Variants in RBFOX3 observed in about 807,000 individuals in gnomAD.
RBFOX3 encodes the protein RNA binding fox-1 homolog 3, also known as RNA binding protein fox-1 homolog 3.
A neutral mutation model predicts 48.7 loss-of-function variants in RBFOX3; 17 were observed. The observed-to-expected ratio is 0.35, with a 90% CI of 0.24 to 0.52. The LOEUF is 0.52. Ranked by LOEUF, RBFOX3 falls within the 20% of genes least tolerant of loss-of-function variation. The pLI is 0.94. For synonymous variants in RBFOX3, 212 were observed against 209.5 expected (o/e 1.01, Z -0.10); for missense variants, 382 against 497.5 (o/e 0.77, Z 2.21).
chr17:79,587,798 G>A (rs901671663), intron 1 of RBFOX3, among the ~76,000 whole-genome samples: 10 of 152,188 alleles, frequency 6.6e-5, no homozygotes, highest in Non-Finnish European at 1.2e-4. Flanking sequence ...AGGAGCCCAC[G>A]GGGAAGCAGA....
intron 4 of RBFOX3, among the ~76,000 whole-genome samples, chr17:79,193,652 T>A (rs2054968354): frequency 6.6e-6 from 1 of 152,240 alleles, no homozygotes; most frequent in Non-Finnish European, 1.5e-5. Flanking sequence ...AGAATTATAA[T>A]GAAGTGGCTG....
intron 2 of RBFOX3, among the ~76,000 whole-genome samples, chr17:79,322,396 G>T (rs1056344390): frequency 5.3e-5 from 8 of 152,326 alleles, no homozygotes; most frequent in African/African-American, 1.9e-4. Context: ...GGCACAGGTG[G>T]GGTGCCCAGG....
chr17:79,581,409 G>C (rs2093055044), intron 1 of RBFOX3, among the ~76,000 whole-genome samples: 1 of 152,222 alleles, frequency 6.6e-6, no homozygotes, highest in Admixed American at 6.5e-5. Flanking sequence ...CCTTAGCTGG[G>C]CCAGATTGCA....
chr17:79,200,888 C>G (rs2056644879), intron 4 of RBFOX3, among the ~76,000 whole-genome samples: 1 of 152,038 alleles, frequency 6.6e-6, no homozygotes, highest in Admixed American at 6.5e-5. Context: ...AGCCTTTCAC[C>G]CCCTCCTGCG....
Position 79,457,090 on chromosome 17 carries a change from G to A in RBFOX3, c.-175+25364C>T, listed in dbSNP as rs1391291681. 2.0e-5 allele frequency among the ~76,000 whole-genome samples: 3 copies of A among 152,316 alleles called. No individual in the cohort carries two copies. In the East Asian group the frequency reaches 5.8e-4, roughly 29 times the overall value. On this transcript the variant is annotated intron_variant, in intron 2 of 14. Coordinates refer to ENST00000693108, the MANE Select transcript of RBFOX3 (RefSeq NM_001350451.2). Reference sequence around the variant, plus strand: ...CACAGGTGTAGACAGGCAGGGTGAGGTCTACAGGCACCCTCCTCCCCAGGG... The same window carrying A: ...CACAGGTGTAGACAGGCAGGGTGAGATCTACAGGCACCCTCCTCCCCAGGG...
At chr17:79,149,448 C>T (rs779637869) in intron 4 of RBFOX3, among the ~76,000 whole-genome samples, 3 of 152,158 alleles carry the variant, frequency 2.0e-5, no homozygotes, top group African/African-American at 4.8e-5. Context: ...CATTGCTGTC[C>T]TGGGGGAGGA....
chr17:79,416,234 C>G (rs1244984095), intron 2 of RBFOX3, among the ~76,000 whole-genome samples: 1 of 152,218 alleles, frequency 6.6e-6, no homozygotes, highest in African/African-American at 2.4e-5. Context: ...CTGGAATCAC[C>G]TGCAACCCTC....
intron 3 of RBFOX3, among the ~76,000 whole-genome samples, chr17:79,255,223 G>A (rs537473841): frequency 4.8e-5 from 1 of 21,040 alleles, no homozygotes. Context: ...ACATGTGTGC[G>A]TGTGTGTGTG....
chr17:79,161,342 T>G (rs553271368), intron 4 of RBFOX3, among the ~76,000 whole-genome samples: 1 of 152,174 alleles, frequency 6.6e-6, no homozygotes, highest in Admixed American at 6.5e-5. Flanking sequence ...CGTCCTCTGC[T>G]GCCAATGAAC....
intron 4 of RBFOX3, among the ~76,000 whole-genome samples, chr17:79,178,088 C>T (rs1390677111): frequency 6.6e-6 from 1 of 152,218 alleles, no homozygotes; most frequent in Non-Finnish European, 1.5e-5. Flanking sequence ...CCGGAGCTTT[C>T]TCCTCGGCCA....
intron 2 of RBFOX3, among the ~76,000 whole-genome samples, chr17:79,451,364 C>T (rs2073465739): frequency 1.3e-5 from 2 of 152,196 alleles, no homozygotes; most frequent in Admixed American, 1.3e-4. Flanking sequence ...GCCGGGAAGA[C>T]GTTGTCACCT....
Position 79,471,739 on chromosome 17 carries a change from C to T in RBFOX3, c.-175+10715G>A, listed in dbSNP as rs7213580. On this transcript the variant is annotated intron_variant, in intron 2 of 14. Coordinates refer to ENST00000693108, the MANE Select transcript of RBFOX3 (RefSeq NM_001350451.2). The surrounding 1 kb of genome is among the most constrained non-coding windows in gnomAD (Gnocchi z 4.0). The stretch of plus-strand genomic sequence containing the variant: ...ACTGCCTGTGTCCCCATGGCCAGGG[C>T]GTGTGCAGAGCCTGGGTGGACGCAG... 0.3 allele frequency among the ~76,000 whole-genome samples: 46,148 copies of T among 152,112 alleles called. 7,888 individuals are homozygous for T. Among genetic ancestry groups the T allele is most frequent in the Admixed American group, 0.4 (6,134 of 15,288 alleles).
At chr17:79,517,917 C>T (rs1272010229) in intron 1 of RBFOX3, among the ~76,000 whole-genome samples, 1 of 152,148 alleles carries the variant, frequency 6.6e-6, no homozygotes, top group Non-Finnish European at 1.5e-5. Flanking sequence ...GCAGCTAGCC[C>T]GAGGTCTGAC....
At chr17:79,162,789 G>A (rs74763032) in intron 4 of RBFOX3, among the ~76,000 whole-genome samples, 7,877 of 152,218 alleles carry the variant, frequency 0.052, 707 homozygotes, top group African/African-American at 0.18. Flanking sequence ...AGGAGGGGAC[G>A]GCGGAGAGAG....
chr17:79,260,338 A>C (rs1237727836), intron 3 of RBFOX3, among the ~76,000 whole-genome samples: 1 of 152,084 alleles, frequency 6.6e-6, no homozygotes, highest in Non-Finnish European at 1.5e-5. Flanking sequence ...GCCACAGTGG[A>C]TCCAGCACTG....
intron 4 of RBFOX3, among the ~76,000 whole-genome samples, chr17:79,122,613 T>C (rs2036053608): frequency 6.6e-6 from 1 of 152,150 alleles, no homozygotes; most frequent in Non-Finnish European, 1.5e-5. Context: ...GGCGGGAATA[T>C]AAATTAGAAC....
intron 4 of RBFOX3, among the ~76,000 whole-genome samples, chr17:79,179,882 G>C (rs896214280): frequency 6.6e-6 from 1 of 152,176 alleles, no homozygotes; most frequent in African/African-American, 2.4e-5. Context: ...TCCTAGGAGG[G>C]GTCAGATGTT....
In RBFOX3 at chr17:79,393,269, T is replaced by G. The variant is rs74000033; in HGVS notation, c.-174-85445A>C. On this transcript the variant is annotated intron_variant, in intron 2 of 14. Coordinates refer to ENST00000693108, the MANE Select transcript of RBFOX3 (RefSeq NM_001350451.2). ...CTGCAGCACAGGGGGAAAGGGAGGC[T>G]TGGGGCACCTCTCCTACCCACACCC... Among the ~76,000 whole-genome samples, 1,068 of 152,318 alleles carry G rather than the reference T, an allele frequency of 7.0e-3. 9 individuals carry two copies. Among genetic ancestry groups the G allele is most frequent in the African/African-American group, 0.025 (1,023 of 41,580 alleles).
At position 79,103,946 on chromosome 17, in the gene RBFOX3, C is replaced by T; in HGVS notation, c.414+127G>A. On this transcript the variant is annotated intron_variant, in intron 7 of 14. Transcript: ENST00000693108. The surrounding 1 kb of genome is among the most constrained non-coding windows in gnomAD (Gnocchi z 6.1). Reference sequence around the variant, plus strand: ...GGTGGGGGCGGAAGAGCGGGGAATACAAGCACCCGTGTCGCTCAGGGGTCC... The same window carrying T: ...GGTGGGGGCGGAAGAGCGGGGAATATAAGCACCCGTGTCGCTCAGGGGTCC... The T allele has an allele frequency of 1.3e-6, 1 of 759,750 alleles. No individual in the cohort carries two copies. Among genetic ancestry groups the T allele is most frequent in the Non-Finnish European group, 2.2e-6 (1 of 445,194 alleles). The allele number at this position is 759,750 out of a possible 1,614,324, so 47.1% of individuals were successfully genotyped here. A position where few individuals can be genotyped will look rare whatever the true frequency, so the allele number is the denominator to read the frequency against.
Sources: gnomAD v4.1 joint callset for allele counts (sites outside exome capture counted in the v4.1 genomes callset) on GRCh38, gnomAD v4.1.1 for gene constraint, Gnocchi (gnomAD v3.1) non-coding constraint, MANE v1.5 for transcripts, NCBI Gene and HGNC (gene_info 2026-07-23, HGNC 2026-07-21) for gene names.